DMAC2L: variants seen among roughly 807,000 people sequenced by gnomAD.
DMAC2L encodes the protein distal membrane arm assembly component 2 like.
Under a neutral mutation model 22.5 loss-of-function variants are expected in DMAC2L, and 21 were observed. The ratio of observed to expected loss-of-function variants is 0.93; its 90% confidence interval spans 0.66 to 1.34. The LOEUF (loss-of-function observed/expected upper bound fraction) is 1.34, where lower values mean the gene tolerates loss of function less well. DMAC2L is among the 40% of genes most tolerant of loss of function. The pLI, the probability that DMAC2L is intolerant of heterozygous loss-of-function variation, is 0.00. For missense variants in DMAC2L, 239 were observed against 246.5 expected, an observed-to-expected ratio of 0.97 and a Z score of 0.20; for synonymous variants, 86 against 89.5, an observed-to-expected ratio of 0.96 and a Z score of 0.22.
chr14:50,318,760 CCT>C (rs2139291266), intron 2 of DMAC2L, among the ~76,000 whole-genome samples: 1 of 152,176 alleles, frequency 6.6e-6, no homozygotes, highest in Non-Finnish European at 1.5e-5. Flanking sequence ...TCAAAAGACA[CCT>C]CTAGTGTGAA....
rs959780789 is a variant in DMAC2L at position 50,327,764 on chromosome 14, A to G, written c.*2041A>G. The stretch of plus-strand genomic sequence containing the variant: ...CCGCGCCCAGCCTGGTTTGAACATT[A>G]TTAAGCTGTTGAATATAAACTTGAA... On this transcript the variant is annotated 3_prime_UTR_variant, in exon 6 of 6. Coordinates refer to ENST00000557421, the MANE Select transcript of DMAC2L (RefSeq NM_001382507.1). 1.3e-5 allele frequency: 2 copies of G among 152,142 alleles called. No individual in the cohort carries two copies. Among genetic ancestry groups the G allele is most frequent in the African/African-American group, 4.8e-5 (2 of 41,428 alleles). The allele number at this position is 152,142 out of a possible 1,614,324, so 9.4% of individuals were successfully genotyped here.
rs1183349473 is a variant in DMAC2L, at chr14:50,324,131, C to T, written c.488+15C>T. Reference sequence around the variant, plus strand: ...CGTCATTTAAGGTAGATGATCAAAGCCAAAGTGGAAACTTGATAATGCTGT... The same window carrying T: ...CGTCATTTAAGGTAGATGATCAAAGTCAAAGTGGAAACTTGATAATGCTGT... On this transcript the variant is annotated intron_variant, in intron 5 of 5. Transcript: ENST00000557421. 1.3e-6 allele frequency: 2 copies of T among 1,588,150 alleles called. No individual in the cohort carries two copies. Among genetic ancestry groups the T allele is most frequent in the Non-Finnish European group, 8.6e-7 (1 of 1,167,090 alleles).
chr14:50,321,801 A>G (rs989409329), intron 3 of DMAC2L, among the ~76,000 whole-genome samples: 10 of 152,214 alleles, frequency 6.6e-5, no homozygotes, highest in South Asian at 4.1e-4. Context: ...GGGTTGCAGG[A>G]TTTCGATGAT....
chr14:50,316,417 C>T (rs1052291284), intron 2 of DMAC2L, among the ~76,000 whole-genome samples: 6 of 152,070 alleles, frequency 3.9e-5, no homozygotes, highest in Admixed American at 6.5e-5. Context: ...AACTATTTAT[C>T]TTTGTTTTTA....
chr14:50,321,438 G>A, intron 2 of DMAC2L, 45 bp from the exon 3 acceptor site: 1 of 1,608,922 alleles, frequency 6.2e-7, no homozygotes. Flanking sequence ...TATATGTATG[G>A]GACTCGGATG....
chr14:50,324,363 G>C (rs1341105763), intron 5 of DMAC2L: 2 of 243,338 alleles, frequency 8.2e-6, no homozygotes, highest in South Asian at 2.1e-4. Context: ...CTAGCATGGT[G>C]CCTGCCACAG....
intron 4 of DMAC2L, 59 bp from the exon 5 acceptor site, chr14:50,323,886 A>G: frequency 6.9e-7 from 1 of 1,455,606 alleles, no homozygotes; most frequent in Non-Finnish European, 9.4e-7. Context: ...TGGGCAAACC[A>G]GGACAGTTTG....
chr14:50,319,436 A>G, intron 2 of DMAC2L: 5 of 1,350,898 alleles, frequency 3.7e-6, no homozygotes, highest in Non-Finnish European at 5.0e-6. Flanking sequence ...TTCCAGAACC[A>G]TGTAATGATT....
At chr14:50,312,168 C>G (rs1197701995), upstream of DMAC2L, 1 of 1,608,342 alleles carries the variant, frequency 6.2e-7, no homozygotes, top group Admixed American at 1.7e-5. Flanking sequence ...GCACGCTCCC[C>G]TCCCTCAGCG....
At position 50,322,549 on chromosome 14, in the gene DMAC2L, G is replaced by C; in HGVS notation, c.146G>C (p.Arg49Thr). The change falls in exon 4 of 6, where the codon AGG (arginine) becomes ACG (threonine). Residue 49 changes from arginine (R) to threonine (T), a missense_variant. Physicochemically the swap from Arg to Thr is moderately conservative, Grantham distance 71. Coordinates refer to ENST00000557421, the MANE Select transcript of DMAC2L (RefSeq NM_001382507.1). ...YDRIRDVGPD[R>T]AASEWLLRCG... The stretch of plus-strand genomic sequence containing the variant: ...CGCATCAGGGATGTTGGCCCTGACA[G>C]GGCGGCATCCGAGTGGTTGCTGCGC... 6.2e-7 allele frequency: 1 copy of C among 1,613,622 alleles called. No individual in the cohort carries two copies. Among genetic ancestry groups the C allele is most frequent in the Non-Finnish European group, 8.5e-7 (1 of 1,179,536 alleles).
upstream of DMAC2L, among the ~76,000 whole-genome samples, chr14:50,311,627 A>C (rs2031193956): frequency 6.6e-6 from 1 of 152,200 alleles, no homozygotes; most frequent in Non-Finnish European, 1.5e-5. Context: ...CAGCTTATAA[A>C]GAGCATATTT....
At chr14:50,315,157 A>G (rs1256996418) in intron 2 of DMAC2L, among the ~76,000 whole-genome samples, 2 of 150,266 alleles carry the variant, frequency 1.3e-5, no homozygotes, top group East Asian at 2.0e-4. Flanking sequence ...TAGTAGAGAC[A>G]GGGTTTCACC....
chr14:50,315,851 T>C (rs922130496), intron 2 of DMAC2L, among the ~76,000 whole-genome samples: 3 of 152,156 alleles, frequency 2.0e-5, no homozygotes, highest in Non-Finnish European at 2.9e-5. Flanking sequence ...CAATTGCAAA[T>C]TGTGCTGCTA....
intron 1 of DMAC2L, chr14:50,313,027 T>C: frequency 6.2e-7 from 1 of 1,614,230 alleles, no homozygotes; most frequent in Non-Finnish European, 8.5e-7. Context: ...TTAAATGTGC[T>C]GTGCGGTCTC....
chr14:50,321,354 G>A (rs896959343), intron 2 of DMAC2L, 129 bp from the exon 3 acceptor site: 2 of 1,393,970 alleles, frequency 1.4e-6, no homozygotes, highest in Non-Finnish European at 1.9e-6. Flanking sequence ...GGAGTGACTT[G>A]CTCAGTAATT....
chr14:50,319,392 C>CA (rs1224172919), intron 2 of DMAC2L: 1 of 1,505,414 alleles, frequency 6.6e-7, no homozygotes, highest in Non-Finnish European at 8.9e-7. Context: ...GTTTCCCTCT[C>CA]AGGCATCTTT....
chr14:50,316,041 C>T (rs1566553620), intron 2 of DMAC2L, among the ~76,000 whole-genome samples: 2 of 151,686 alleles, frequency 1.3e-5, no homozygotes, highest in Non-Finnish European at 2.9e-5. Context: ...TAGAAGTGTT[C>T]CCTTTACACC....
At chr14:50,319,806 T>G (rs2032115661) in intron 2 of DMAC2L, among the ~76,000 whole-genome samples, 1 of 152,208 alleles carries the variant, frequency 6.6e-6, no homozygotes, top group Non-Finnish European at 1.5e-5. Flanking sequence ...CCTAATGTGA[T>G]TTCTTTTAAT....
At chr14:50,322,854 G>A (rs1463463040) in intron 4 of DMAC2L, 135 bp downstream of exon 4, 4 of 1,494,230 alleles carry the variant, frequency 2.7e-6, no homozygotes, top group Admixed American at 4.4e-5. Context: ...GTTTCTTCCT[G>A]TGTTTGATAT....
Sources: gnomAD v4.1 joint callset for allele counts (sites outside exome capture counted in the v4.1 genomes callset) on GRCh38, gnomAD v4.1.1 for gene constraint, MANE v1.5 for transcripts, NCBI Gene and HGNC (gene_info 2026-07-23, HGNC 2026-07-21) for gene names.